SDAD1: variants seen among roughly 807,000 people sequenced by gnomAD.
The protein encoded by SDAD1 is SDA1 domain containing 1.
SDAD1 carries 79 observed loss-of-function variants against 100.3 expected under a neutral mutation model. The observed-to-expected ratio is 0.79, with a 90% confidence interval of 0.66 to 0.95. The LOEUF is 0.95. Among genes scored for constraint, SDAD1 ranks in the 40% least tolerant of loss-of-function variants. SDAD1 has a pLI of 0.00. For missense variants in SDAD1, 790 were observed against 810.9 expected (o/e 0.97, Z 0.31); for synonymous variants, 267 against 271.4 (o/e 0.98, Z 0.16).
intron 7 of SDAD1, among the ~76,000 whole-genome samples, chr4:75,973,656 A>G (rs1449248547): frequency 6.6e-6 from 1 of 152,194 alleles, no homozygotes; most frequent in Non-Finnish European, 1.5e-5. Flanking sequence ...CCCTATAAGA[A>G]AAGTGACATT....
At chr4:75,982,907 TC>T (rs1730627069) in intron 1 of SDAD1, among the ~76,000 whole-genome samples, 2 of 152,044 alleles carry the variant, frequency 1.3e-5, no homozygotes, top group African/African-American at 4.8e-5. Context: ...CAACCTGTCA[TC>T]CACATTAGGT....
chr4:75,958,991 G>A (rs1255380551), intron 17 of SDAD1, among the ~76,000 whole-genome samples: 1 of 148,530 alleles, frequency 6.7e-6, no homozygotes, highest in Non-Finnish European at 1.5e-5. Context: ...CCAGCTATTC[G>A]GGAGGCTGAG....
At chr4:75,961,984 G>A (rs1424996421) in intron 14 of SDAD1, among the ~76,000 whole-genome samples, 1 of 152,098 alleles carries the variant, frequency 6.6e-6, no homozygotes, top group Non-Finnish European at 1.5e-5. Flanking sequence ...GTGTCATGTT[G>A]GTGTGCTGCA....
chr4:75,973,167 C>G, intron 8 of SDAD1, 150 bp downstream of exon 8: 1 of 577,262 alleles, frequency 1.7e-6, no homozygotes, highest in Non-Finnish European at 3.1e-6. Flanking sequence ...TGACAAATTC[C>G]AAGTAGAGTA....
At chr4:75,956,849 C>T (rs1350423180) in intron 20 of SDAD1, among the ~76,000 whole-genome samples, 1 of 152,218 alleles carries the variant, frequency 6.6e-6, no homozygotes, top group Non-Finnish European at 1.5e-5. Flanking sequence ...ATGGCTCATG[C>T]CTATACTCCC....
chr4:75,988,104 C>T (rs183755827), intron 1 of SDAD1, among the ~76,000 whole-genome samples: 3 of 152,310 alleles, frequency 2.0e-5, no homozygotes, highest in African/African-American at 7.2e-5. Context: ...AACCCAGCAT[C>T]ATCTCTTGCT....
intron 21 of SDAD1, among the ~76,000 whole-genome samples, chr4:75,953,214 A>G (rs1019551179): frequency 2.6e-5 from 4 of 152,218 alleles, no homozygotes; most frequent in Admixed American, 6.5e-5. Flanking sequence ...AGATTCTTCA[A>G]TCTTTGAGAG....
intron 17 of SDAD1, 66 bp downstream of exon 17, chr4:75,960,000 A>G: frequency 1.3e-6 from 2 of 1,498,548 alleles, no homozygotes; most frequent in Non-Finnish European, 1.8e-6. Flanking sequence ...ATAGTATACA[A>G]TTTAAAGGTC....
chr4:75,990,697 G>C (rs745387386), intron 1 of SDAD1, 55 bp downstream of exon 1: 7 of 1,610,760 alleles, frequency 4.3e-6, no homozygotes, highest in Admixed American at 1.7e-5. Context: ...TTCCCGCACC[G>C]GCGTCTCAAC....
intron 11 of SDAD1, 67 bp downstream of exon 11, chr4:75,969,229 G>A (rs1729726371): frequency 4.7e-6 from 6 of 1,268,874 alleles, no homozygotes; most frequent in Admixed American, 1.8e-5. Context: ...CTACCTAATG[G>A]CTTTTCTTTT....
intron 1 of SDAD1, among the ~76,000 whole-genome samples, chr4:75,986,506 T>C (rs1007824658): frequency 4.6e-5 from 7 of 152,290 alleles, no homozygotes; most frequent in East Asian, 1.9e-4. Flanking sequence ...CCTGTGCCCA[T>C]ATACTTTACC....
rs117413297 is a variant in SDAD1, at chr4:75,982,032, T to C, written c.96A>G (p.Leu32=). The C allele has an allele frequency of 1.3e-3, 2,143 of 1,595,420 alleles. 49 individuals carry two copies. In the East Asian group the frequency reaches 0.04, roughly 30 times the overall value. The change falls in exon 2 of 22, where the codon CTA becomes CTG. Residue 32 remains leucine, a synonymous_variant. Transcript: ENST00000356260. ...RDPPAYIEEF[L]QQYNHYKSNV... ...TGGATTTGTAGTGATTATACTGCTGTAGAAACTGCAGAAAAATAAAATTTA... is the reference window on the plus strand; with the variant it reads ...TGGATTTGTAGTGATTATACTGCTGCAGAAACTGCAGAAAAATAAAATTTA...
intron 3 of SDAD1, among the ~76,000 whole-genome samples, chr4:75,978,814 C>CAA (rs766028798): frequency 1.5e-5 from 2 of 129,368 alleles, no homozygotes; most frequent in Admixed American, 1.6e-4. Context: ...TGTCTCTACA[C>CAA]AAAAAAAAAA....
chr4:75,959,026 A>T (rs1729067063), intron 17 of SDAD1, among the ~76,000 whole-genome samples: 1 of 131,888 alleles, frequency 7.6e-6, no homozygotes, highest in African/African-American at 2.9e-5. Flanking sequence ...TGAACCCAGG[A>T]GGTGGAGCTT....
chr4:75,982,110 A>C (rs1730560465), intron 1 of SDAD1, 73 bp from the exon 2 acceptor site: 2 of 833,598 alleles, frequency 2.4e-6, no homozygotes, highest in South Asian at 3.6e-5. Flanking sequence ...TCAGTAGAGA[A>C]ATTCTTAGTA....
intron 10 of SDAD1, 35 bp downstream of exon 10, chr4:75,970,274 G>A (rs1211737650): frequency 6.4e-7 from 1 of 1,565,066 alleles, no homozygotes; most frequent in South Asian, 1.1e-5. Context: ...GCAGAGATAA[G>A]GCCAACAAGG....
intron 9 of SDAD1, 91 bp from the exon 10 acceptor site, chr4:75,970,469 T>C (rs1729806370): frequency 3.4e-6 from 3 of 873,430 alleles, no homozygotes; most frequent in South Asian, 1.9e-5. Flanking sequence ...ATAAGTCCAT[T>C]AGACTCTTTA....
rs187260378 is a variant in SDAD1 at position 75,968,528 on chromosome 4, G to A, written c.987+768C>T. Among the ~76,000 whole-genome samples the A allele has an allele frequency of 1.1e-3, 161 of 152,134 alleles. 1 individual carries two copies. Among genetic ancestry groups the A allele is most frequent in the African/African-American group, 3.7e-3 (153 of 41,480 alleles). ...TTCTACAATGGCATCTAGTCTAACA[G>A]TATGTGTAAAGTTCCCATATATATA... is the stretch of plus-strand genomic sequence containing the variant. On this transcript the variant is annotated intron_variant, in intron 11 of 21. Transcript: ENST00000356260.
At chr4:75,989,333 G>C (rs962855482) in intron 1 of SDAD1, among the ~76,000 whole-genome samples, 4 of 152,082 alleles carry the variant, frequency 2.6e-5, no homozygotes, top group African/African-American at 9.7e-5. Flanking sequence ...GTCTAAATCA[G>C]AAGCCTCCAA....
Sources: allele counts gnomAD v4.1 joint callset (sites outside exome capture counted in the v4.1 genomes callset), GRCh38; gene constraint gnomAD v4.1.1; transcripts MANE v1.5; gene names NCBI Gene and HGNC (gene_info 2026-07-23, HGNC 2026-07-21).